RALA: variants seen among roughly 807,000 people sequenced by gnomAD.
RALA encodes the protein RAS like proto-oncogene A.
In RALA, 5 loss-of-function variants were observed where a neutral mutation model predicts 24.0. The ratio of observed to expected loss-of-function variants is 0.21; its 90% CI spans 0.11 to 0.44. The LOEUF is 0.44. RALA is among the 20% of genes least tolerant of loss of function. The pLI, the probability that RALA is intolerant of heterozygous loss-of-function variation, is 0.99. For synonymous variants in RALA, 77 were observed against 83.8 expected (o/e 0.92, Z 0.44); for missense variants, 95 against 241.2 (o/e 0.39, Z 4.01).
At chr7:39,666,025 A>G (rs2116009617) in intron 1 of RALA, among the ~76,000 whole-genome samples, 1 of 152,244 alleles carries the variant, frequency 6.6e-6, no homozygotes, top group Non-Finnish European at 1.5e-5. Flanking sequence ...CAGAATAAGC[A>G]CTCAATAAAT....
At chr7:39,631,090 C>T (rs1424283280) in intron 1 of RALA, among the ~76,000 whole-genome samples, 3 of 151,642 alleles carry the variant, frequency 2.0e-5, no homozygotes, top group African/African-American at 7.3e-5. Context: ...TCACTGTACC[C>T]TCTGCCTCCC....
chr7:39,635,289 C>T (rs1791669331), intron 1 of RALA, among the ~76,000 whole-genome samples: 3 of 152,092 alleles, frequency 2.0e-5, no homozygotes, highest in African/African-American at 7.2e-5. Flanking sequence ...GTGGGAGGAT[C>T]GCTTGAGCCC....
chr7:39,693,895 G>A (rs887817907), intron 3 of RALA, among the ~76,000 whole-genome samples: 12 of 152,204 alleles, frequency 7.9e-5, no homozygotes, highest in Admixed American at 7.9e-4. Flanking sequence ...CATAGTCTGT[G>A]CGGCCTATAG....
At chr7:39,676,042 C>G (rs1267581685) in intron 1 of RALA, among the ~76,000 whole-genome samples, 1 of 152,182 alleles carries the variant, frequency 6.6e-6, no homozygotes, top group African/African-American at 2.4e-5. Context: ...CTGGCCTGAT[C>G]TAGGCTCACT....
intron 1 of RALA, among the ~76,000 whole-genome samples, chr7:39,647,346 G>T (rs1360341748): frequency 6.6e-6 from 1 of 152,078 alleles, no homozygotes; most frequent in Non-Finnish European, 1.5e-5. Flanking sequence ...CCTGGCTGCA[G>T]ATTGTTTCTA....
At chr7:39,672,104 C>T (rs1372821954) in intron 1 of RALA, among the ~76,000 whole-genome samples, 2 of 151,892 alleles carry the variant, frequency 1.3e-5, no homozygotes, top group Admixed American at 6.6e-5. Context: ...GAAAAATACT[C>T]ATCAAAAAAT....
At chr7:39,632,890 T>C (rs561412734) in intron 1 of RALA, among the ~76,000 whole-genome samples, 1 of 152,310 alleles carries the variant, frequency 6.6e-6, no homozygotes, top group African/African-American at 2.4e-5. Flanking sequence ...AAGGTCAACT[T>C]TCCTAGTGCA....
chr7:39,653,783 A>G (rs1480859424), intron 1 of RALA, among the ~76,000 whole-genome samples: 2 of 152,214 alleles, frequency 1.3e-5, no homozygotes, highest in Non-Finnish European at 2.9e-5. Context: ...TCCAGGTGAT[A>G]AAACAGCATT....
At chr7:39,669,539 C>T (rs536285970) in intron 1 of RALA, among the ~76,000 whole-genome samples, 88 of 152,140 alleles carry the variant, frequency 5.8e-4, no homozygotes, top group Non-Finnish European at 1.0e-3. Context: ...GGGCCAGGCA[C>T]GGTGGCTTAT....
chr7:39,683,314 CTTG>C (rs537751542), intron 1 of RALA, among the ~76,000 whole-genome samples: 100 of 152,264 alleles, frequency 6.6e-4, no homozygotes, highest in African/African-American at 2.2e-3. Flanking sequence ...GTTCTTTGTA[CTTG>C]TTATTCCCTG....
intron 1 of RALA, among the ~76,000 whole-genome samples, chr7:39,658,668 T>G (rs1792135557): frequency 1.3e-5 from 2 of 152,156 alleles, no homozygotes; most frequent in African/African-American, 2.4e-5. Context: ...AAATGCATTT[T>G]TTAAAAACCT....
intron 1 of RALA, among the ~76,000 whole-genome samples, chr7:39,670,355 C>A (rs1404043046): frequency 6.6e-6 from 1 of 152,154 alleles, no homozygotes; most frequent in Non-Finnish European, 1.5e-5. Flanking sequence ...CTGTGTTGCC[C>A]AGGCTGGTCT....
chr7:39,694,733 T>G (rs1297349957), intron 3 of RALA, among the ~76,000 whole-genome samples: 1 of 151,774 alleles, frequency 6.6e-6, no homozygotes, highest in East Asian at 1.9e-4. Context: ...TTTTCCCAGT[T>G]TTTCAAGCAT....
At chr7:39,679,738 A>G (rs554753223) in intron 1 of RALA, among the ~76,000 whole-genome samples, 5 of 151,648 alleles carry the variant, frequency 3.3e-5, no homozygotes, top group African/African-American at 7.3e-5. Context: ...TTTTTGAGAC[A>G]GACTCTCTGT....
Position 39,706,204 on chromosome 7 carries a change from A to G in RALA, c.580A>G (p.Ser194Gly), listed in dbSNP as rs774954955. The change falls in exon 5 of 5, where the codon AGT (serine) becomes GGT (glycine). Residue 194 changes from serine to glycine, a missense_variant. Transcript: ENST00000005257. ...KEKNGKKKRK[S>G]LAKRIRERCC... ...AAAGAATGGAAAAAAGAAGAGGAAAAGTTTAGCCAAGAGAATCAGAGAAAG... is the reference window on the plus strand; with the variant it reads ...AAAGAATGGAAAAAAGAAGAGGAAAGGTTTAGCCAAGAGAATCAGAGAAAG... The G allele has an allele frequency of 1.9e-6, 3 of 1,610,094 alleles. No homozygotes were observed. The highest frequency in any genetic ancestry group is 2.5e-6 in the Non-Finnish European group (3 of 1,179,240).
intron 2 of RALA, among the ~76,000 whole-genome samples, chr7:39,687,650 A>G (rs977617206): frequency 6.6e-6 from 1 of 152,198 alleles, no homozygotes; most frequent in Non-Finnish European, 1.5e-5. Flanking sequence ...AATGTTATCA[A>G]GTCTTAATGA....
At chr7:39,699,131 T>TTA in intron 4 of RALA, among the ~76,000 whole-genome samples, 1 of 112,924 alleles carries the variant, frequency 8.9e-6, no homozygotes, top group African/African-American at 3.8e-5. Context: ...ATTTTTTTTT[T>TTA]TTTTTTTTTT....
At chr7:39,624,074 C>T (rs1791430343) in intron 1 of RALA, 1 of 152,078 alleles carries the variant, frequency 6.6e-6, no homozygotes, top group South Asian at 2.1e-4. Context: ...CTGCGCCCGG[C>T]AGCCGGTCTC....
intron 1 of RALA, among the ~76,000 whole-genome samples, chr7:39,673,935 G>A (rs527662630): frequency 4.1e-4 from 62 of 152,058 alleles, no homozygotes; most frequent in African/African-American, 1.5e-3. Flanking sequence ...CTTGAGCTCA[G>A]CAGTTCAAGA....
Sources: gnomAD v4.1 joint callset for allele counts (sites outside exome capture counted in the v4.1 genomes callset) on GRCh38, gnomAD v4.1.1 for gene constraint, MANE v1.5 for transcripts, NCBI Gene and HGNC (gene_info 2026-07-23, HGNC 2026-07-21) for gene names.